ST6GALNAC5: variants seen among roughly 807,000 people sequenced by gnomAD.
ST6GALNAC5 encodes the protein alpha-N-acetylgalactosaminide alpha-2,6-sialyltransferase 5.
ST6GALNAC5 carries 27 observed loss-of-function variants against 33.6 expected under a neutral mutation model. The ratio of observed to expected loss-of-function variants is 0.80; its 90% CI spans 0.59 to 1.11. The LOEUF (loss-of-function observed/expected upper bound fraction) is 1.11, where lower values mean the gene tolerates loss of function less well. ST6GALNAC5 is among the 50% of genes least tolerant of loss of function. The pLI is 0.00. For synonymous variants in ST6GALNAC5, 194 were observed against 171.2 expected (o/e 1.13, Z -1.04); for missense variants, 428 against 454.0 (o/e 0.94, Z 0.52).
intron 2 of ST6GALNAC5, among the ~76,000 whole-genome samples, chr1:77,034,887 T>C (rs1651593509): frequency 6.6e-6 from 1 of 152,158 alleles, no homozygotes; most frequent in Non-Finnish European, 1.5e-5. Flanking sequence ...TACAGGTGGA[T>C]TTTCTTGGAT....
At chr1:76,877,490 CTCTT>C (rs1653673892) in intron 2 of ST6GALNAC5, among the ~76,000 whole-genome samples, 1 of 152,174 alleles carries the variant, frequency 6.6e-6, no homozygotes, top group Non-Finnish European at 1.5e-5. Context: ...GGTGTTGCTT[CTCTT>C]TCTTCATTGT....
chr1:76,927,111 T>G (rs911717358), intron 2 of ST6GALNAC5, among the ~76,000 whole-genome samples: 10 of 152,126 alleles, frequency 6.6e-5, no homozygotes, highest in African/African-American at 2.4e-4. Context: ...GTCTTTTGAT[T>G]TATGATGTCC....
chr1:76,964,403 G>A (rs1441583136), intron 2 of ST6GALNAC5, among the ~76,000 whole-genome samples: 1 of 151,998 alleles, frequency 6.6e-6, no homozygotes, highest in African/African-American at 2.4e-5. Context: ...ATGGCCCATA[G>A]CATGAAACCC....
At chr1:76,913,095 C>T (rs929983746) in intron 2 of ST6GALNAC5, among the ~76,000 whole-genome samples, 7 of 152,020 alleles carry the variant, frequency 4.6e-5, no homozygotes, top group Non-Finnish European at 8.8e-5. Flanking sequence ...CCTTCAGGAG[C>T]TCTTTTAGGG....
rs1289446133 is a variant in ST6GALNAC5, at chr1:76,868,378, C to T, written c.16-119C>T. The T allele has an allele frequency of 9.9e-6, 14 of 1,412,896 alleles. No homozygotes were observed. The highest frequency in any genetic ancestry group is 1.3e-5 in the Non-Finnish European group (14 of 1,070,278). The allele number at this position is 1,412,896 out of a possible 1,614,324, so 87.5% of individuals were successfully genotyped here. The stretch of plus-strand genomic sequence containing the variant: ...CCAGTTGCGTGCGGCGGGGCTGGGG[C>T]CCAGGCCGCCCCAAATCTCCCCCAC... On this transcript the variant is annotated intron_variant, in intron 1 of 4. Coordinates refer to ENST00000477717, the MANE Select transcript of ST6GALNAC5 (RefSeq NM_030965.3). The surrounding 1 kb of genome is among the most constrained non-coding windows in gnomAD (Gnocchi z 4.3).
chr1:77,008,306 T>C (rs74790838), intron 2 of ST6GALNAC5, among the ~76,000 whole-genome samples: 5,862 of 152,176 alleles, frequency 0.039, 199 homozygotes, highest in African/African-American at 0.095. Context: ...CAGCATGTAG[T>C]AGTATTCAAA....
Position 76,868,603 on chromosome 1 carries a change from AGC to A in ST6GALNAC5, c.123_124del (p.Gln42AlafsTer73), listed in dbSNP as rs1491349217. On this transcript the variant is annotated frameshift_variant, in exon 2 of 5. Coordinates refer to ENST00000477717, the MANE Select transcript of ST6GALNAC5 (RefSeq NM_030965.3). LOFTEE classifies it high-confidence loss of function. The surrounding 1 kb of genome is among the most constrained non-coding windows in gnomAD (Gnocchi z 4.3). Reference sequence around the variant, plus strand: ...AAGGAGCGGCCCCCGCAGCAGCAGCAGCAGCAGCAGCAACAGCAGCAGCAGGC... The same window carrying A: ...AAGGAGCGGCCCCCGCAGCAGCAGCAAGCAGCAGCAACAGCAGCAGCAGGC... 1.3e-5 allele frequency: 21 copies of A among 1,610,594 alleles called. No individual in the cohort carries two copies. The highest frequency in any genetic ancestry group is 1.7e-4 in the Middle Eastern group (1 of 6,056).
chr1:77,044,269 G>T lies in ST6GALNAC5; in HGVS notation c.327G>T (p.Arg109=), dbSNP rs1427509643. The part of the protein sequence containing the change: ...VTSSGHLLHS[R]QGSQIDQTEC... ...GCTCAGGGCATCTGCTGCACAGTCGGCAAGGCTCCCAGATTGACCAGACAG... is the reference window on the plus strand; with the variant it reads ...GCTCAGGGCATCTGCTGCACAGTCGTCAAGGCTCCCAGATTGACCAGACAG... The change falls in exon 3 of 5, where the codon CGG becomes CGT. Residue 109 remains arginine (R), a synonymous_variant. Transcript: ENST00000477717. 4 of 1,613,790 alleles carry T rather than the reference G, an allele frequency of 2.5e-6. No individual in the cohort carries two copies. Among genetic ancestry groups the T allele is most frequent in the Non-Finnish European group, 3.4e-6 (4 of 1,180,006 alleles).
intron 2 of ST6GALNAC5, among the ~76,000 whole-genome samples, chr1:77,005,073 G>T (rs1339158488): frequency 6.6e-6 from 1 of 151,780 alleles, no homozygotes; most frequent in Non-Finnish European, 1.5e-5. Context: ...GGGCAATGGC[G>T]GGCGCCCCTC....
At chr1:76,957,848 C>T (rs1435848217) in intron 2 of ST6GALNAC5, among the ~76,000 whole-genome samples, 1 of 151,928 alleles carries the variant, frequency 6.6e-6, no homozygotes, top group Non-Finnish European at 1.5e-5. Context: ...ATGGATTTTT[C>T]CCCCACAAAT....
intron 2 of ST6GALNAC5, among the ~76,000 whole-genome samples, chr1:77,021,956 T>A (rs181209648): frequency 6.6e-6 from 1 of 152,274 alleles, no homozygotes; most frequent in Admixed American, 6.5e-5. Flanking sequence ...CAGAAATGCC[T>A]TTCATACACA....
At chr1:76,960,509 G>C (rs1037208557) in intron 2 of ST6GALNAC5, among the ~76,000 whole-genome samples, 6 of 152,146 alleles carry the variant, frequency 3.9e-5, no homozygotes, top group Non-Finnish European at 2.9e-5. Context: ...AGGAGCCAGG[G>C]TTTGAGAGCA....
At chr1:77,036,634 T>C (rs756197487) in intron 2 of ST6GALNAC5, among the ~76,000 whole-genome samples, 2 of 152,244 alleles carry the variant, frequency 1.3e-5, no homozygotes, top group Non-Finnish European at 2.9e-5. Flanking sequence ...ATGGGGACAC[T>C]TAAAACACAA....
At chr1:76,885,442 C>T (rs1026942970) in intron 2 of ST6GALNAC5, among the ~76,000 whole-genome samples, 4 of 152,088 alleles carry the variant, frequency 2.6e-5, no homozygotes, top group Non-Finnish European at 5.9e-5. Flanking sequence ...ACAATCAACA[C>T]GTGTATACAC....
chr1:76,896,193 C>T (rs888943356), intron 2 of ST6GALNAC5, among the ~76,000 whole-genome samples: 1 of 152,126 alleles, frequency 6.6e-6, no homozygotes. Context: ...ACTATGGTGG[C>T]CTTCTCAGAC....
chr1:76,973,191 C>T (rs559307847), intron 2 of ST6GALNAC5, among the ~76,000 whole-genome samples: 16 of 151,970 alleles, frequency 1.1e-4, no homozygotes, highest in South Asian at 1.0e-3. Context: ...ATAATTCCTA[C>T]AGTGTTTGTC....
At chr1:76,957,489 A>G (rs1227445302) in intron 2 of ST6GALNAC5, among the ~76,000 whole-genome samples, 1 of 152,188 alleles carries the variant, frequency 6.6e-6, no homozygotes, top group Non-Finnish European at 1.5e-5. Flanking sequence ...TACATTCTGC[A>G]GTTCTGAGAG....
intron 2 of ST6GALNAC5, among the ~76,000 whole-genome samples, chr1:76,983,689 C>T (rs1255205209): frequency 1.3e-5 from 2 of 152,188 alleles, no homozygotes; most frequent in Admixed American, 6.5e-5. Context: ...ACTCTCCACC[C>T]CAAATCAACA....
At chr1:76,914,762 A>T (rs1423549424) in intron 2 of ST6GALNAC5, among the ~76,000 whole-genome samples, 1 of 152,170 alleles carries the variant, frequency 6.6e-6, no homozygotes, top group African/African-American at 2.4e-5. Context: ...AGGCATTACC[A>T]TTCAGGACAT....
Sources: gnomAD v4.1 joint callset for allele counts (sites outside exome capture counted in the v4.1 genomes callset) on GRCh38, gnomAD v4.1.1 for gene constraint, Gnocchi (gnomAD v3.1) non-coding constraint, MANE v1.5 for transcripts, NCBI Gene and HGNC (gene_info 2026-07-23, HGNC 2026-07-21) for gene names.